Variants in ADAM11 observed in about 807,000 individuals in gnomAD.
ADAM11 encodes ADAM metallopeptidase domain 11.
Under a neutral mutation model 119.1 loss-of-function variants are expected in ADAM11, and 49 were observed. The ratio of observed to expected loss-of-function variants is 0.41; its 90% CI spans 0.33 to 0.52. The LOEUF (loss-of-function observed/expected upper bound fraction) is 0.52, where lower values mean the gene tolerates loss of function less well. Ranked by LOEUF, ADAM11 falls within the 20% of genes least tolerant of loss-of-function variation. The pLI is 0.20. For synonymous variants in ADAM11, 364 were observed against 408.0 expected, an observed-to-expected ratio of 0.89 and a Z score of 1.30; for missense variants, 777 against 1,047.5, an observed-to-expected ratio of 0.74 and a Z score of 3.56.
At position 44,772,957 on chromosome 17, in the gene ADAM11, G is replaced by A. The variant is rs759272041; in HGVS notation, c.753+26G>A. 2.3e-5 allele frequency: 37 copies of A among 1,613,956 alleles called. No individual in the cohort carries two copies. Among genetic ancestry groups the A allele is most frequent in the African/African-American group, 9.3e-5 (7 of 74,928 alleles). On this transcript the variant is annotated intron_variant, in intron 9 of 26. Transcript: ENST00000200557. The surrounding 1 kb of genome is among the most constrained non-coding windows in gnomAD (Gnocchi z 4.5). ...GTGAGTGCCAGGGCAGGGACAGGGCGTGACACTGGGAGGCCCCTGAGGAGC... is the reference window on the plus strand; with the variant it reads ...GTGAGTGCCAGGGCAGGGACAGGGCATGACACTGGGAGGCCCCTGAGGAGC...
rs1242674595 is a variant in ADAM11, at chr17:44,759,142, C to G, written c.-58C>G. ...CGCCTCCCCACCCCCGTCCCTGCTCCCGCCCTCCCCGCGCCGCTGGCAGCC... is the reference window on the plus strand; with the variant it reads ...CGCCTCCCCACCCCCGTCCCTGCTCGCGCCCTCCCCGCGCCGCTGGCAGCC... On this transcript the variant is annotated 5_prime_UTR_variant, in exon 1 of 27. Transcript: ENST00000200557. 2 of 1,218,458 alleles carry G rather than the reference C, an allele frequency of 1.6e-6. No homozygotes were observed. Among genetic ancestry groups the G allele is most frequent in the African/African-American group, 1.6e-5 (1 of 62,330 alleles). The allele number at this position is 1,218,458 out of a possible 1,614,324, so 75.5% of individuals were successfully genotyped here.
In ADAM11 at chr17:44,771,586, G is replaced by A. The variant is rs1232001641; in HGVS notation, c.384G>A (p.Gly128=). The A allele has an allele frequency of 6.2e-7, 1 of 1,611,322 alleles. No individual in the cohort carries two copies. Among genetic ancestry groups the A allele is most frequent in the South Asian group, 1.1e-5 (1 of 90,918 alleles). ...TGCTCACTGTTCTGCTCCTTCAGGG[G>A]GCTGGAGACCACTGCTACTACCAGG... ...SREGTTQHST[G]AGDHCYYQGK... is the part of the protein sequence containing the mutation. The change falls in exon 5 of 27, where the codon GGG becomes GGA. Residue 128 remains glycine, a splice_region_variant and synonymous_variant. Coordinates refer to ENST00000200557, the MANE Select transcript of ADAM11 (RefSeq NM_002390.6).
rs2049569212 is a variant in ADAM11, at chr17:44,774,340, G to A, written c.1038G>A (p.Gly346=). ...CGAGCAGCGGGGCAGCCTACGTGGG[G>A]GGCATATGCTCCCTGTCCCACGGCG... The part of the protein sequence containing the change: ...QSTSSGAAYV[G]GICSLSHGGG... The change falls in exon 12 of 27, where the codon GGG becomes GGA. Residue 346 remains glycine (G), a synonymous_variant. Transcript: ENST00000200557. 4.0e-6 allele frequency: 6 copies of A among 1,482,884 alleles called. No homozygotes were observed. Among genetic ancestry groups the A allele is most frequent in the Non-Finnish European group, 2.7e-6 (3 of 1,111,780 alleles). 91.9% of individuals were successfully genotyped at this position (1,482,884 alleles called of 1,614,324 possible).
At chr17:44,771,163 A>G (rs1457538776) in intron 4 of ADAM11, among the ~76,000 whole-genome samples, 1 of 151,220 alleles carries the variant, frequency 6.6e-6, no homozygotes, top group African/African-American at 2.4e-5. Context: ...GTGTGGTGGC[A>G]CATGCCTGTA....
chr17:44,759,127 C>T lies in ADAM11; in HGVS notation c.-73C>T. 3 of 942,462 alleles carry T rather than the reference C, an allele frequency of 3.2e-6. No individual in the cohort carries two copies. The highest frequency in any genetic ancestry group is 4.0e-6 in the Non-Finnish European group (3 of 741,158). 58.4% of individuals were successfully genotyped at this position (942,462 alleles called of 1,614,324 possible). A position where few individuals can be genotyped will look rare whatever the true frequency, so the allele number is the denominator to read the frequency against. On this transcript the variant is annotated 5_prime_UTR_variant, in exon 1 of 27. Coordinates refer to ENST00000200557, the MANE Select transcript of ADAM11 (RefSeq NM_002390.6). ...CGGCTCCGCAGCTGGCGCCTCCCCA[C>T]CCCCGTCCCTGCTCCCGCCCTCCCC...
chr17:44,781,210 C>A lies in ADAM11; in HGVS notation c.*1456C>A, dbSNP rs73307215. ...TGCTTGAGCCCCTGTTTCTGGGGCA[C>A]CTTCGAGGAGGCGTTGTGGAGGGCA... On this transcript the variant is annotated 3_prime_UTR_variant, in exon 27 of 27. Transcript: ENST00000200557. 0.027 allele frequency: 4,119 copies of A among 152,284 alleles called. 128 individuals carry two copies. The highest frequency in any genetic ancestry group is 0.067 in the African/African-American group (2,772 of 41,532). The allele number at this position is 152,284 out of a possible 1,614,324, so 9.4% of individuals were successfully genotyped here. A position where few individuals can be genotyped will look rare whatever the true frequency, so the allele number is the denominator to read the frequency against.
At position 44,780,280 on chromosome 17, in the gene ADAM11, C is replaced by T. The variant is rs762285647; in HGVS notation, c.*526C>T. On this transcript the variant is annotated 3_prime_UTR_variant, in exon 27 of 27. Coordinates refer to ENST00000200557, the MANE Select transcript of ADAM11 (RefSeq NM_002390.6). The stretch of plus-strand genomic sequence containing the variant: ...ATGTTTTGACATTTACAGGAGGGCC[C>T]GGAGAAACTGAGGTATGGCCATGCC... 1.5e-5 allele frequency: 6 copies of T among 407,130 alleles called. No individual in the cohort carries two copies. The highest frequency in any genetic ancestry group is 3.3e-5 in the Admixed American group (1 of 30,116). 25.2% of individuals were successfully genotyped at this position (407,130 alleles called of 1,614,324 possible).
Position 44,772,167 on chromosome 17 carries a change from C to T in ADAM11, c.544-100C>T. 1 of 1,194,394 alleles carries T rather than the reference C, an allele frequency of 8.4e-7. No homozygotes were observed. 74.0% of individuals were successfully genotyped at this position (1,194,394 alleles called of 1,614,324 possible). A position where few individuals can be genotyped will look rare whatever the true frequency, so the allele number is the denominator to read the frequency against. On this transcript the variant is annotated intron_variant, in intron 6 of 26. Transcript: ENST00000200557. This position sits in a 1 kb window ranked among gnomAD's most constrained non-coding sequence, Gnocchi z 4.5. ...GGAGCTGTGGCCAGTTCTGGGTCAC[C>T]CCAGGGTGGGGTGGAGGCGAGGGCT... is the stretch of plus-strand genomic sequence containing the variant.
chr17:44,779,590 C>T (rs1417651150), intron 26 of ADAM11, 149 bp from the exon 27 acceptor site: 10 of 1,478,016 alleles, frequency 6.8e-6, no homozygotes, highest in Non-Finnish European at 8.9e-6. Flanking sequence ...CATATCACCA[C>T]TGTCTGACCT....
intron 2 of ADAM11, among the ~76,000 whole-genome samples, chr17:44,766,891 GCA>G (rs1484007339): frequency 1.3e-5 from 2 of 152,114 alleles, no homozygotes; most frequent in Non-Finnish European, 2.9e-5. Flanking sequence ...CAGGCAGGGA[GCA>G]CAGTTTGGCT....
At position 44,775,103 on chromosome 17, in the gene ADAM11, T is replaced by C; in HGVS notation, c.1221-109T>C. The C allele has an allele frequency of 1.1e-6, 1 of 949,704 alleles. No individual in the cohort carries two copies. The highest frequency in any genetic ancestry group is 1.6e-6 in the Non-Finnish European group (1 of 607,600). The allele number at this position is 949,704 out of a possible 1,614,324, so 58.8% of individuals were successfully genotyped here. The stretch of plus-strand genomic sequence containing the variant: ...GCAATCCCGGGGCAGATCCTCCGCC[T>C]CCTCGCGATGGTGACGAAGTCCCCC... On this transcript the variant is annotated intron_variant, in intron 14 of 26. Transcript: ENST00000200557. The surrounding 1 kb of genome is among the most constrained non-coding windows in gnomAD (Gnocchi z 7.5).
chr17:44,773,180 C>G lies in ADAM11; in HGVS notation c.826-81C>G. 4 of 1,598,974 alleles carry G rather than the reference C, an allele frequency of 2.5e-6. No individual in the cohort carries two copies. The highest frequency in any genetic ancestry group is 3.4e-6 in the Non-Finnish European group (4 of 1,167,582). On this transcript the variant is annotated intron_variant, in intron 10 of 26. Transcript: ENST00000200557. This position sits in a 1 kb window ranked among gnomAD's most constrained non-coding sequence, Gnocchi z 4.6. Reference sequence around the variant, plus strand: ...ACTGTCAGCCCCTGGCTCCCACTTCCTGGAGAGAACAGACAGGCCCTCCTC... The same window carrying G: ...ACTGTCAGCCCCTGGCTCCCACTTCGTGGAGAGAACAGACAGGCCCTCCTC...
intron 11 of ADAM11, 86 bp from the exon 12 acceptor site, chr17:44,774,209 T>G: frequency 1.2e-6 from 1 of 822,622 alleles, no homozygotes; most frequent in Non-Finnish European, 1.8e-6. Flanking sequence ...AGGACTCTAG[T>G]GTGAGGGGCT....
intron 2 of ADAM11, among the ~76,000 whole-genome samples, chr17:44,765,337 C>T (rs1270856203): frequency 6.6e-6 from 1 of 152,036 alleles, no homozygotes; most frequent in Admixed American, 6.6e-5. Context: ...TGTCTCCTTG[C>T]GGGAGGGGAT....
In ADAM11 at chr17:44,775,991, A is replaced by G. The variant is rs541890562; in HGVS notation, c.1486-136A>G. On this transcript the variant is annotated intron_variant, in intron 17 of 26. Transcript: ENST00000200557. This position sits in a 1 kb window ranked among gnomAD's most constrained non-coding sequence, Gnocchi z 7.5. ...TTCAAGAGGTGGTGGGAGCAGGGAA[A>G]TAAGAACAGGCCTGAAACGGGGCCC... 10 of 1,038,296 alleles carry G rather than the reference A, an allele frequency of 9.6e-6. No homozygotes were observed. The highest frequency in any genetic ancestry group is 3.1e-4 in the Middle Eastern group (1 of 3,216). The allele number at this position is 1,038,296 out of a possible 1,614,324, so 64.3% of individuals were successfully genotyped here. A position where few individuals can be genotyped will look rare whatever the true frequency, so the allele number is the denominator to read the frequency against.
At chr17:44,764,238 C>T (rs146971329) in intron 2 of ADAM11, among the ~76,000 whole-genome samples, 2 of 152,332 alleles carry the variant, frequency 1.3e-5, no homozygotes, top group Non-Finnish European at 2.9e-5. Context: ...ATGCCCAGGC[C>T]AGCATTTACT....
At position 44,773,332 on chromosome 17, in the gene ADAM11, C is replaced by T; in HGVS notation, c.897C>T (p.Ile299=). ...AMETWADGDK[I]QVQDDLLETL... ...AAACATGGGCAGATGGGGACAAGAT[C>T]CAGGTGCAGGATGACCTCCTGGAGA... The change falls in exon 11 of 27, where the codon ATC becomes ATT. Residue 299 remains isoleucine (I), a synonymous_variant. Coordinates refer to ENST00000200557, the MANE Select transcript of ADAM11 (RefSeq NM_002390.6). The surrounding 1 kb of genome is among the most constrained non-coding windows in gnomAD (Gnocchi z 4.6). 6.2e-7 allele frequency: 1 copy of T among 1,614,040 alleles called. No individual in the cohort carries two copies. Among genetic ancestry groups the T allele is most frequent in the Non-Finnish European group, 8.5e-7 (1 of 1,180,016 alleles).
chr17:44,774,853 C>A (rs2145235533), intron 14 of ADAM11, 104 bp downstream of exon 14: 4 of 1,357,138 alleles, frequency 2.9e-6, no homozygotes, highest in East Asian at 4.8e-5. Flanking sequence ...GCCCAGCTCA[C>A]AGAACCACTC....
At position 44,778,082 on chromosome 17, in the gene ADAM11, G is replaced by T. The variant is rs1478735107; in HGVS notation, c.2185+16G>T. On this transcript the variant is annotated intron_variant, in intron 24 of 26. Transcript: ENST00000200557. ...AGATATAAAGGTGAGGCTGGAGCTG[G>T]CCGAGGGGGGTCTGTCTGTCCTGCT... 3 of 1,608,956 alleles carry T rather than the reference G, an allele frequency of 1.9e-6. No homozygotes were observed. In the Admixed American group the frequency reaches 5.0e-5, roughly 27 times the overall value.
Sources: gnomAD v4.1 joint callset for allele counts (sites outside exome capture counted in the v4.1 genomes callset) on GRCh38, gnomAD v4.1.1 for gene constraint, Gnocchi (gnomAD v3.1) non-coding constraint, MANE v1.5 for transcripts, NCBI Gene and HGNC (gene_info 2026-07-23, HGNC 2026-07-21) for gene names.